SHISA9: variants seen among roughly 807,000 people sequenced by gnomAD.
SHISA9 encodes the protein protein shisa-9.
A neutral mutation model predicts 38.0 loss-of-function variants in SHISA9; 13 were observed. That is an observed-to-expected ratio of 0.34 (90% CI 0.22 to 0.54). The LOEUF is 0.54. SHISA9 is among the 20% of genes least tolerant of loss of function. The pLI, the probability that SHISA9 is intolerant of heterozygous loss-of-function variation, is 0.91. For missense variants in SHISA9, 538 were observed against 575.8 expected (o/e 0.93, Z 0.67); for synonymous variants, 275 against 242.0 (o/e 1.14, Z -1.27).
chr16:13,271,126 A>G, the SHISA9 span, among the ~76,000 whole-genome samples: 1 of 152,164 alleles, frequency 6.6e-6, no homozygotes, highest in African/African-American at 2.4e-5. Context: ...CTGACACCCA[A>G]ATCAAATGCT....
At chr16:13,242,334 G>A (rs138672979), downstream of SHISA9, among the ~76,000 whole-genome samples, 3 of 152,294 alleles carry the variant, frequency 2.0e-5, no homozygotes, top group East Asian at 1.9e-4. Context: ...AGGTAGATCC[G>A]AGGAGATGGG....
In SHISA9 at chr16:13,123,911, G is replaced by A. The variant is rs190888771; in HGVS notation, c.692-79483G>A. 1.7e-4 allele frequency among the ~76,000 whole-genome samples: 26 copies of A among 152,310 alleles called. 1 individual carries two copies. In the East Asian group the frequency reaches 2.5e-3, roughly 15 times the overall value. ...GTGAATACTGCTTCTAACTCTTGGT[G>A]TTGTTCTGATGATGAAATGAGATAA... On this transcript the variant is annotated intron_variant, in intron 2 of 4. Coordinates refer to ENST00000558583, the MANE Select transcript of SHISA9 (RefSeq NM_001145204.3).
At chr16:13,414,551 A>G in the SHISA9 span, among the ~76,000 whole-genome samples, 12 of 152,020 alleles carry the variant, frequency 7.9e-5, no homozygotes, top group Admixed American at 2.0e-4. Context: ...AAGACTGGCT[A>G]TGTCATATAG....
Position 13,213,312 on chromosome 16 carries a change from C to T in SHISA9, c.895+12C>T, listed in dbSNP as rs372010886. The T allele has an allele frequency of 6.4e-7, 1 of 1,550,962 alleles. No individual in the cohort carries two copies. ...TAAGTCACCAAAAGGTACTGTACAG[C>T]TTTTTCTAGCTCTTTTGTCCAGGTG... is the stretch of plus-strand genomic sequence containing the variant. On this transcript the variant is annotated intron_variant, in intron 4 of 4. Coordinates refer to ENST00000558583, the MANE Select transcript of SHISA9 (RefSeq NM_001145204.3).
chr16:13,444,045 C>T, the SHISA9 span, among the ~76,000 whole-genome samples: 2 of 152,032 alleles, frequency 1.3e-5, no homozygotes, highest in East Asian at 1.9e-4. Flanking sequence ...CCTCACCCCT[C>T]CCCTTCACCA....
At chr16:13,087,006 C>G (rs1476124274) in intron 2 of SHISA9, among the ~76,000 whole-genome samples, 5 of 149,504 alleles carry the variant, frequency 3.3e-5, no homozygotes, top group African/African-American at 7.4e-5. Flanking sequence ...ATGTTCCCCG[C>G]CCTGTGTCCA....
intron 2 of SHISA9, among the ~76,000 whole-genome samples, chr16:13,200,445 A>ACACACACAC (rs1444256867): frequency 4.9e-3 from 494 of 100,786 alleles, no homozygotes; most frequent in African/African-American, 9.2e-3. Flanking sequence ...CACACACAGC[A>ACACACACAC]GCAGCAGCAG....
At chr16:13,340,092 T>G in the SHISA9 span, among the ~76,000 whole-genome samples, 1 of 152,200 alleles carries the variant, frequency 6.6e-6, no homozygotes, top group African/African-American at 2.4e-5. Context: ...TCAACCTTCA[T>G]TTCTACATCT....
chr16:13,444,833 C>T, the SHISA9 span, among the ~76,000 whole-genome samples: 1 of 150,352 alleles, frequency 6.7e-6, no homozygotes, highest in South Asian at 2.1e-4. Flanking sequence ...TCCCTTCCCT[C>T]CTCTTTTCTG....
chr16:13,260,013 T>C, the SHISA9 span, among the ~76,000 whole-genome samples: 4 of 104,596 alleles, frequency 3.8e-5, 1 homozygote, highest in Non-Finnish European at 6.1e-5. Flanking sequence ...CTTTCTTTTT[T>C]TTTTTTTTTT....
At chr16:13,109,182 A>G (rs897581271) in intron 2 of SHISA9, among the ~76,000 whole-genome samples, 5 of 152,114 alleles carry the variant, frequency 3.3e-5, no homozygotes, top group African/African-American at 4.8e-5. Flanking sequence ...ATGTGCCATC[A>G]TGCTTGGCTA....
chr16:12,959,414 G>T (rs2071879109), intron 2 of SHISA9, among the ~76,000 whole-genome samples: 1 of 152,184 alleles, frequency 6.6e-6, no homozygotes, highest in Non-Finnish European at 1.5e-5. Flanking sequence ...CAGAGGAAAA[G>T]CTAGGGAAGG....
chr16:13,128,297 A>G (rs540413534), intron 2 of SHISA9, among the ~76,000 whole-genome samples: 25 of 152,122 alleles, frequency 1.6e-4, no homozygotes, highest in Non-Finnish European at 3.2e-4. Flanking sequence ...AGGGAATTCT[A>G]TGTGCATTGT....
chr16:13,427,279 C>G, the SHISA9 span, among the ~76,000 whole-genome samples: 5 of 152,180 alleles, frequency 3.3e-5, no homozygotes, highest in African/African-American at 1.2e-4. Context: ...CTTATCCTGC[C>G]TTTTATAAAA....
the SHISA9 span, among the ~76,000 whole-genome samples, chr16:13,519,383 T>C: frequency 1.3e-5 from 2 of 152,206 alleles, no homozygotes; most frequent in African/African-American, 4.8e-5. Flanking sequence ...AATTGATGAA[T>C]GAGCCTGTTC....
chr16:13,128,568 A>G (rs569280091), intron 2 of SHISA9, among the ~76,000 whole-genome samples: 131 of 152,330 alleles, frequency 8.6e-4, no homozygotes, highest in African/African-American at 2.8e-3. Flanking sequence ...GAGATGGGGC[A>G]TATAACACTC....
intron 2 of SHISA9, among the ~76,000 whole-genome samples, chr16:13,056,105 C>T (rs1171954420): frequency 4.6e-5 from 7 of 152,178 alleles, no homozygotes; most frequent in Admixed American, 4.6e-4. Flanking sequence ...GGGCCTGACA[C>T]ATAGCAGGTG....
chr16:13,249,422 G>A, the SHISA9 span, among the ~76,000 whole-genome samples: 5,864 of 152,240 alleles, frequency 0.039, 385 homozygotes, highest in African/African-American at 0.13. Context: ...TGCGCTTTCT[G>A]TAGATTTGTT....
chr16:13,224,493 G>A (rs112164024), intron 4 of SHISA9, among the ~76,000 whole-genome samples: 7 of 152,204 alleles, frequency 4.6e-5, no homozygotes, highest in African/African-American at 1.7e-4. Flanking sequence ...CATATTTCAG[G>A]GACTGTCATT....
Sources: allele counts gnomAD v4.1 joint callset (sites outside exome capture counted in the v4.1 genomes callset), GRCh38; gene constraint gnomAD v4.1.1; transcripts MANE v1.5; gene names NCBI Gene and HGNC (gene_info 2026-07-23, HGNC 2026-07-21).